The following STAM variants were observed in gnomAD, a reference collection of about 807,000 sequenced individuals.
The protein encoded by STAM is signal transducing adapter molecule 1.
STAM carries 16 observed loss-of-function variants against 63.4 expected under a neutral mutation model. The observed-to-expected ratio is 0.25, with a 90% CI of 0.17 to 0.38. The LOEUF (loss-of-function observed/expected upper bound fraction) is 0.38, where lower values mean the gene tolerates loss of function less well. Ranked by LOEUF, STAM falls within the 10% of genes least tolerant of loss-of-function variation. The probability of loss-of-function intolerance (pLI) is 1.00; values close to 1 mark genes in which losing one functional copy is unlikely to be tolerated. For synonymous variants in STAM, 238 were observed against 223.9 expected, an observed-to-expected ratio of 1.06 and a Z score of -0.56; for missense variants, 636 against 657.1, an observed-to-expected ratio of 0.97 and a Z score of 0.35.
intron 1 of STAM, among the ~76,000 whole-genome samples, chr10:17,646,511 A>T (rs4748393): frequency 0.11 from 17,049 of 152,240 alleles, 1,036 homozygotes; most frequent in Middle Eastern, 0.16. Context: ...CCTTAATGAG[A>T]GGTTGCTACA....
At chr10:17,713,058 G>A (rs1357041134) in intron 13 of STAM, among the ~76,000 whole-genome samples, 7 of 152,118 alleles carry the variant, frequency 4.6e-5, no homozygotes, top group African/African-American at 7.2e-5. Context: ...CTAGACTCCC[G>A]GTCAGTTCAC....
intron 13 of STAM, among the ~76,000 whole-genome samples, chr10:17,710,651 C>G (rs1221753033): frequency 6.6e-6 from 1 of 152,132 alleles, no homozygotes; most frequent in African/African-American, 2.4e-5. Context: ...CTGGTAGTTG[C>G]CTTTTTACTT....
intron 4 of STAM, among the ~76,000 whole-genome samples, chr10:17,685,854 A>G (rs1046229898): frequency 6.6e-6 from 1 of 152,188 alleles, no homozygotes; most frequent in Non-Finnish European, 1.5e-5. Flanking sequence ...AAATTTTTCA[A>G]TTTTCAATTA....
At chr10:17,687,509 A>G (rs1835345395) in intron 4 of STAM, among the ~76,000 whole-genome samples, 1 of 147,942 alleles carries the variant, frequency 6.8e-6, no homozygotes, top group African/African-American at 2.5e-5. Flanking sequence ...CCAAAAAAAA[A>G]GAAAAGAAAA....
chr10:17,675,556 A>T (rs1461328238), intron 2 of STAM, among the ~76,000 whole-genome samples: 2 of 151,978 alleles, frequency 1.3e-5, no homozygotes, highest in Non-Finnish European at 2.9e-5. Flanking sequence ...TTTAAACATG[A>T]TATTGTAGTT....
At chr10:17,674,482 G>A (rs1554824435) in intron 2 of STAM, among the ~76,000 whole-genome samples, 1 of 152,060 alleles carries the variant, frequency 6.6e-6, no homozygotes, top group Non-Finnish European at 1.5e-5. Context: ...CCATCACCTG[G>A]GACCTCACCT....
intron 2 of STAM, among the ~76,000 whole-genome samples, chr10:17,665,342 A>G (rs1428708271): frequency 6.6e-6 from 1 of 152,206 alleles, no homozygotes; most frequent in African/African-American, 2.4e-5. Context: ...TGTTAAAACA[A>G]TTTAAAAAGA....
intron 8 of STAM, 97 bp downstream of exon 8, chr10:17,696,966 C>A: frequency 1.0e-6 from 1 of 955,588 alleles, no homozygotes; most frequent in Non-Finnish European, 1.6e-6. Context: ...GTTGCCCAGG[C>A]TGGAGTGCAG....
At chr10:17,712,031 T>C (rs933563496) in intron 13 of STAM, among the ~76,000 whole-genome samples, 6 of 152,182 alleles carry the variant, frequency 3.9e-5, no homozygotes, top group South Asian at 2.1e-4. Flanking sequence ...AGTGCAGAGA[T>C]AAGAGAAAGA....
intron 10 of STAM, 141 bp from the exon 11 acceptor site, chr10:17,704,829 C>T: frequency 1.4e-6 from 1 of 715,314 alleles, no homozygotes; most frequent in Non-Finnish European, 2.2e-6. Context: ...ATTTTGGGTT[C>T]TGTAGACTAA....
chr10:17,694,956 G>GA (rs1458410398), intron 6 of STAM, 93 bp from the exon 7 acceptor site: 13 of 1,210,234 alleles, frequency 1.1e-5, no homozygotes, highest in Non-Finnish European at 1.5e-5. Context: ...ACTATTGAAG[G>GA]AAGAATACCT....
At position 17,666,387 on chromosome 10, in the gene STAM, A is replaced by ATTT. The variant is rs10673746; in HGVS notation, c.125+5862_125+5864dup. Among the ~76,000 whole-genome samples the ATTT allele has an allele frequency of 6.8e-3, 584 of 85,830 alleles. 2 individuals carry two copies. Among genetic ancestry groups the ATTT allele is most frequent in the East Asian group, 0.014 (36 of 2,624 alleles). The allele number at this position is 85,830 out of a possible 152,430, so 56.3% of individuals were successfully genotyped here. ...TAAAAATGTTTTTCCTTGGCTTTGT[A>ATTT]TTTTTTTTTTTTTTTTTTTTTTTTT... is the stretch of plus-strand genomic sequence containing the variant. On this transcript the variant is annotated intron_variant, in intron 2 of 13. Coordinates refer to ENST00000377524, the MANE Select transcript of STAM (RefSeq NM_003473.4).
chr10:17,658,891 GC>G (rs1249736280), intron 1 of STAM, among the ~76,000 whole-genome samples: 2 of 152,142 alleles, frequency 1.3e-5, no homozygotes, highest in African/African-American at 4.8e-5. Context: ...GACAATTTCT[GC>G]CTTTTAATTG....
intron 5 of STAM, 49 bp downstream of exon 5, chr10:17,688,222 AT>A: frequency 7.3e-7 from 1 of 1,377,350 alleles, no homozygotes; most frequent in Non-Finnish European, 9.5e-7. Flanking sequence ...TTTCTCTTAA[AT>A]AGCTATATTT....
intron 1 of STAM, among the ~76,000 whole-genome samples, chr10:17,652,459 G>A (rs1407152997): frequency 6.6e-6 from 1 of 152,118 alleles, no homozygotes; most frequent in African/African-American, 2.4e-5. Flanking sequence ...CATAATATCT[G>A]CTGATAACTG....
At chr10:17,697,033 C>T (rs1220922982) in intron 8 of STAM, among the ~76,000 whole-genome samples, 164 bp downstream of exon 8, 6 of 152,200 alleles carry the variant, frequency 3.9e-5, no homozygotes, top group Non-Finnish European at 8.8e-5. Context: ...GATTCTCCTG[C>T]CTCAGCCTCC....
At chr10:17,653,465 G>A (rs1833819183) in intron 1 of STAM, among the ~76,000 whole-genome samples, 1 of 152,154 alleles carries the variant, frequency 6.6e-6, no homozygotes, top group African/African-American at 2.4e-5. Context: ...GATACACACT[G>A]ATGTATTTGG....
chr10:17,663,297 CTT>C (rs1455845441), intron 2 of STAM, among the ~76,000 whole-genome samples: 1 of 151,510 alleles, frequency 6.6e-6, no homozygotes, highest in Non-Finnish European at 1.5e-5. Context: ...TATTTTTTGT[CTT>C]TTTGTTTTTA....
At chr10:17,655,146 A>G (rs954343608) in intron 1 of STAM, among the ~76,000 whole-genome samples, 92 of 151,840 alleles carry the variant, frequency 6.1e-4, no homozygotes, top group African/African-American at 2.0e-3. Context: ...ATTATTTGAA[A>G]CCCTTTCAAT....
Sources: allele counts gnomAD v4.1 joint callset (sites outside exome capture counted in the v4.1 genomes callset), GRCh38; gene constraint gnomAD v4.1.1; transcripts MANE v1.5; gene names NCBI Gene and HGNC (gene_info 2026-07-23, HGNC 2026-07-21).